IL1R2: variants seen among roughly 807,000 people sequenced by gnomAD.
The protein encoded by IL1R2 is interleukin 1 receptor type 2, also known as interleukin-1 receptor type 2.
A neutral mutation model predicts 39.5 loss-of-function variants in IL1R2; 46 were observed. The ratio of observed to expected loss-of-function variants is 1.16; its 90% confidence interval spans 0.92 to 1.49. The LOEUF (loss-of-function observed/expected upper bound fraction) is 1.49, where lower values mean the gene tolerates loss of function less well. IL1R2 is among the 40% of genes most tolerant of loss of function. IL1R2 has a pLI of 0.00. For synonymous variants in IL1R2, 207 were observed against 189.6 expected, an observed-to-expected ratio of 1.09 and a Z score of -0.75; for missense variants, 537 against 502.0, an observed-to-expected ratio of 1.07 and a Z score of -0.67.
At position 102,019,687 on chromosome 2, in the gene IL1R2, G is replaced by T. The variant is rs781638818; in HGVS notation, c.563G>T (p.Gly188Val). 1.2e-6 allele frequency: 2 copies of T among 1,613,630 alleles called. No individual in the cohort carries two copies. Among genetic ancestry groups the T allele is most frequent in the East Asian group, 4.5e-5 (2 of 44,888 alleles). ...KDNEKFLSVR[G>V]TTHLLVHDVA... Reference sequence around the variant, plus strand: ...AATGAGAAATTTCTAAGTGTGAGGGGGACCACTCACTTACTCGTACACGAT... The same window carrying T: ...AATGAGAAATTTCTAAGTGTGAGGGTGACCACTCACTTACTCGTACACGAT... Residue 188 changes from glycine (G) to valine (V), a missense_variant, in exon 5 of 9, where the codon GGG becomes GTG. Transcript: ENST00000332549.
chr2:101,994,891 G>T (rs1222579662), intron 1 of IL1R2, among the ~76,000 whole-genome samples: 1 of 152,246 alleles, frequency 6.6e-6, no homozygotes, highest in Non-Finnish European at 1.5e-5. Flanking sequence ...CAAGGAAGAA[G>T]TTAGTGTAAA....
chr2:102,006,167 T>C (rs1676247490), intron 1 of IL1R2, among the ~76,000 whole-genome samples: 1 of 152,204 alleles, frequency 6.6e-6, no homozygotes, highest in Admixed American at 6.5e-5. Context: ...CATGTTCTAA[T>C]GGTGCACTAA....
chr2:102,018,977 T>C lies in IL1R2; in HGVS notation c.514-661T>C, dbSNP rs559692559. On this transcript the variant is annotated intron_variant, in intron 4 of 8. Coordinates refer to ENST00000332549, the MANE Select transcript of IL1R2 (RefSeq NM_004633.4). Reference sequence around the variant, plus strand: ...AGGTTATATTTGACTGTTGCAAACGTTGAATAATCATGATTTTGAAAGTGA... The same window carrying C: ...AGGTTATATTTGACTGTTGCAAACGCTGAATAATCATGATTTTGAAAGTGA... Among the ~76,000 whole-genome samples the C allele has an allele frequency of 9.8e-5, 15 of 152,334 alleles. No homozygotes were observed. In the East Asian group the frequency reaches 1.5e-3, roughly 16 times the overall value.
At position 102,009,704 on chromosome 2, in the gene IL1R2, TA is replaced by T. The variant is rs1218087757; in HGVS notation, c.215del (p.Asn72MetfsTer71). 1 of 1,614,004 alleles carries T rather than the reference TA, an allele frequency of 6.2e-7. No individual in the cohort carries two copies. The highest frequency in any genetic ancestry group is 8.5e-7 in the Non-Finnish European group (1 of 1,180,022). ...VSPRINLTWH[K>X]NDSARTVPGE... ...GCCCCCGCATCAACCTGACATGGCA[TA>T]AAAATGACTCTGCTAGGACGGTCCC... On this transcript the variant is annotated frameshift_variant, in exon 3 of 9. Coordinates refer to ENST00000332549, the MANE Select transcript of IL1R2 (RefSeq NM_004633.4). LOFTEE classifies it high-confidence loss of function.
intron 3 of IL1R2, chr2:102,010,331 T>C (rs539219253): frequency 6.5e-6 from 1 of 154,222 alleles, no homozygotes. Context: ...TCCAACACTT[T>C]GGGCGGCCGA....
rs145020212 is a variant in IL1R2, at chr2:102,009,197, A to C, written c.68-365A>C. ...TGCCAGAACTAAACTTTTACCATCT[A>C]AACTCAGCTCAGATTTACTTTTAAT... On this transcript the variant is annotated intron_variant, in intron 2 of 8. Coordinates refer to ENST00000332549, the MANE Select transcript of IL1R2 (RefSeq NM_004633.4). Among the ~76,000 whole-genome samples, 89 of 152,296 alleles carry C rather than the reference A, an allele frequency of 5.8e-4. 1 individual carries two copies. In the East Asian group the frequency reaches 0.017, roughly 28 times the overall value.
intron 4 of IL1R2, among the ~76,000 whole-genome samples, chr2:102,019,316 A>G (rs1328229059): frequency 6.6e-6 from 1 of 152,236 alleles, no homozygotes; most frequent in African/African-American, 2.4e-5. Context: ...GCCTGAAGGT[A>G]GCAGTCAGGA....
At chr2:101,996,071 C>T (rs140779981) in intron 1 of IL1R2, among the ~76,000 whole-genome samples, 118 of 152,080 alleles carry the variant, frequency 7.8e-4, no homozygotes, top group Non-Finnish European at 1.4e-3. Context: ...GGCCTGGAAT[C>T]GGCACTTGTT....
chr2:101,999,269 C>A (rs1228280244), intron 1 of IL1R2, among the ~76,000 whole-genome samples: 1 of 152,178 alleles, frequency 6.6e-6, no homozygotes, highest in Non-Finnish European at 1.5e-5. Context: ...TTAGGTGTTT[C>A]CCACACTCAG....
chr2:102,023,127 T>C (rs1677504932), intron 6 of IL1R2, among the ~76,000 whole-genome samples: 1 of 152,276 alleles, frequency 6.6e-6, no homozygotes, highest in Non-Finnish European at 1.5e-5. Context: ...TACTCATTTA[T>C]GAAACCCTGG....
At chr2:102,005,035 T>C (rs1011449107) in intron 1 of IL1R2, among the ~76,000 whole-genome samples, 5 of 152,220 alleles carry the variant, frequency 3.3e-5, no homozygotes, top group African/African-American at 1.2e-4. Flanking sequence ...GAGAGTTAAC[T>C]TGAAACTCAC....
intron 3 of IL1R2, among the ~76,000 whole-genome samples, chr2:102,012,285 C>A (rs1055583928): frequency 3.5e-4 from 54 of 152,208 alleles, no homozygotes; most frequent in African/African-American, 1.3e-3. Context: ...TCTGTTCCTC[C>A]AAAGGCACTG....
chr2:102,006,428 G>T (rs1019902126), intron 1 of IL1R2, among the ~76,000 whole-genome samples: 8 of 152,150 alleles, frequency 5.3e-5, no homozygotes, highest in African/African-American at 1.9e-4. Flanking sequence ...TCACCAGAAG[G>T]GGGAGCTCAG....
chr2:102,026,080 T>C, intron 7 of IL1R2, 31 bp from the exon 8 acceptor site: 1 of 1,539,068 alleles, frequency 6.5e-7, no homozygotes, highest in Non-Finnish European at 8.9e-7. Context: ...TTCGATACAA[T>C]CATAATTAAG....
intron 4 of IL1R2, among the ~76,000 whole-genome samples, chr2:102,017,910 ATTGGCTT>A (rs1318144623): frequency 6.6e-6 from 1 of 152,230 alleles, no homozygotes; most frequent in Non-Finnish European, 1.5e-5. Context: ...AAGTACAGTT[ATTGGCTT>A]AATCATTAAT....
intron 3 of IL1R2, among the ~76,000 whole-genome samples, chr2:102,013,122 C>T (rs1239630468): frequency 6.6e-6 from 1 of 152,096 alleles, no homozygotes; most frequent in Non-Finnish European, 1.5e-5. Context: ...GAGATGTGAG[C>T]TGAGTTCTGT....
chr2:102,027,855 C>A (rs1677828556), intron 8 of IL1R2, among the ~76,000 whole-genome samples: 1 of 152,184 alleles, frequency 6.6e-6, no homozygotes, highest in Admixed American at 6.5e-5. Context: ...CCTCATGACA[C>A]CCATGCTCAT....
chr2:102,013,874 G>A (rs1676822398), intron 3 of IL1R2, among the ~76,000 whole-genome samples: 1 of 152,030 alleles, frequency 6.6e-6, no homozygotes, highest in Non-Finnish European at 1.5e-5. Flanking sequence ...GAGCTAGGAA[G>A]AGTCCCCACA....
At chr2:102,000,582 C>T (rs921213051) in intron 1 of IL1R2, among the ~76,000 whole-genome samples, 19 of 152,134 alleles carry the variant, frequency 1.2e-4, no homozygotes, top group Non-Finnish European at 1.8e-4. Flanking sequence ...GTGTGCATCT[C>T]GTGATGGGGT....
Sources: allele counts gnomAD v4.1 joint callset (sites outside exome capture counted in the v4.1 genomes callset), GRCh38; gene constraint gnomAD v4.1.1; transcripts MANE v1.5; gene names NCBI Gene and HGNC (gene_info 2026-07-23, HGNC 2026-07-21).